Variants in HTD2 observed in about 807,000 individuals in gnomAD.
HTD2 encodes the protein hydroxyacyl-thioester dehydratase type 2, mitochondrial.
HTD2 carries 1 observed loss-of-function variant against 3.1 expected under a neutral mutation model. The observed-to-expected ratio is 0.32, with a 90% CI of 0.11 to 1.52. HTD2 has a LOEUF of 1.52. Ranked by LOEUF, HTD2 falls within the 40% of genes most tolerant of loss-of-function variation. HTD2 has a pLI of 0.39. For missense variants in HTD2, 150 were observed against 79.6 expected, an observed-to-expected ratio of 1.88 and a Z score of -3.36; for synonymous variants, 50 against 28.9, an observed-to-expected ratio of 1.73 and a Z score of -2.34.
In HTD2 at chr3:58,318,399, T is replaced by C; in HGVS notation, c.*279T>C. On this transcript the variant is annotated 3_prime_UTR_variant, in exon 5 of 5. Coordinates refer to ENST00000461393, the MANE Select transcript of HTD2 (RefSeq NM_001348712.2). ...TAGGCTGGGCCCGGTGGCTCATGCCTGTAATCCTGGCACTTTGGGAGGCTG... is the reference window on the plus strand; with the variant it reads ...TAGGCTGGGCCCGGTGGCTCATGCCCGTAATCCTGGCACTTTGGGAGGCTG... 1.3e-5 allele frequency: 3 copies of C among 237,584 alleles called. No individual in the cohort carries two copies. Among genetic ancestry groups the C allele is most frequent in the Non-Finnish European group, 1.6e-5 (2 of 123,938 alleles). 14.7% of individuals were successfully genotyped at this position (237,584 alleles called of 1,614,324 possible). A position where few individuals can be genotyped will look rare whatever the true frequency, so the allele number is the denominator to read the frequency against.
chr3:58,307,351 G>A (rs2097476474), intron 1 of HTD2, among the ~76,000 whole-genome samples: 1 of 152,238 alleles, frequency 6.6e-6, no homozygotes, highest in Admixed American at 6.5e-5. Context: ...CCGTAGGGAT[G>A]GAGAAGCGGG....
chr3:58,315,938 A>G (rs1227577911), intron 2 of HTD2: 1 of 152,356 alleles, frequency 6.6e-6, no homozygotes, highest in East Asian at 1.9e-4. Flanking sequence ...GGCCTCCCAA[A>G]GTGCCGGGAT....
At chr3:58,314,913 TTGACCTTG>T (rs1207837802) in intron 2 of HTD2, among the ~76,000 whole-genome samples, 1 of 151,950 alleles carries the variant, frequency 6.6e-6, no homozygotes, top group Non-Finnish European at 1.5e-5. Flanking sequence ...TCTCAATCTC[TTGACCTTG>T]TGATCCGCCT....
chr3:58,316,583 ATG>A lies in HTD2; in HGVS notation c.-260_-259del. On this transcript the variant is annotated 5_prime_UTR_variant, in exon 3 of 5. It removes an upstream start codon present in the reference 5' UTR. Coordinates refer to ENST00000461393, the MANE Select transcript of HTD2 (RefSeq NM_001348712.2). ...AGACCTTGTCAGCCATCTTGAGAAT[ATG>A]TAGCAGGTATGACAGAGAGTGGGAA... The A allele has an allele frequency of 1.9e-6, 3 of 1,613,776 alleles. No individual in the cohort carries two copies. The highest frequency in any genetic ancestry group is 2.5e-6 in the Non-Finnish European group (3 of 1,179,692).
chr3:58,306,412 G>A (rs2097474565), upstream of HTD2: 1 of 152,312 alleles, frequency 6.6e-6, no homozygotes, highest in Middle Eastern at 3.2e-3. Flanking sequence ...GTCCGACGAA[G>A]AGTGGGTAGG....
intron 2 of HTD2, among the ~76,000 whole-genome samples, chr3:58,314,675 A>ATTTTTTTTTTTTTTTTTTTTTTTTTTTTT (rs751757663): frequency 4.4e-5 from 4 of 90,560 alleles, no homozygotes; most frequent in Non-Finnish European, 3.9e-5. Flanking sequence ...GTTTGGCAGT[A>ATTTTTTTTTTTTTTTTTTTTTTTTTTTTT]TTTTTTTTTT....
At chr3:58,314,194 T>A (rs1326867288) in intron 2 of HTD2, among the ~76,000 whole-genome samples, 1 of 151,796 alleles carries the variant, frequency 6.6e-6, no homozygotes, top group Non-Finnish European at 1.5e-5. Flanking sequence ...CTGCTAAAGC[T>A]ATAAAAACTA....
At chr3:58,311,990 A>T (rs2097482708) in intron 2 of HTD2, among the ~76,000 whole-genome samples, 1 of 152,026 alleles carries the variant, frequency 6.6e-6, no homozygotes, top group African/African-American at 2.4e-5. Context: ...CTCCCACCTC[A>T]GTATCCCGAG....
chr3:58,308,739 GC>G (rs2097478542), intron 1 of HTD2, among the ~76,000 whole-genome samples: 1 of 152,136 alleles, frequency 6.6e-6, no homozygotes. Context: ...CCTTGATTGG[GC>G]CTCAGTTTCC....
At chr3:58,307,077 G>T (rs149276513) in intron 1 of HTD2, among the ~76,000 whole-genome samples, 1 of 152,324 alleles carries the variant, frequency 6.6e-6, no homozygotes, top group East Asian at 1.9e-4. Context: ...ATGGGGAAAA[G>T]CTAGAGCCGA....
At position 58,320,006 on chromosome 3, in the gene HTD2, C is replaced by T. The variant is rs2097492843; in HGVS notation, c.*1886C>T. ...TTTCTCTCCTCCAGTCTTTGGGAAT[C>T]ACCAGTCTACTTTCTGTCTCTATGG... On this transcript the variant is annotated 3_prime_UTR_variant, in exon 5 of 5. Coordinates refer to ENST00000461393, the MANE Select transcript of HTD2 (RefSeq NM_001348712.2). 6.6e-6 allele frequency: 1 copy of T among 152,168 alleles called. No homozygotes were observed. Among genetic ancestry groups the T allele is most frequent in the Admixed American group, 6.5e-5 (1 of 15,270 alleles). The allele number at this position is 152,168 out of a possible 1,614,324, so 9.4% of individuals were successfully genotyped here. A position where few individuals can be genotyped will look rare whatever the true frequency, so the allele number is the denominator to read the frequency against.
rs2097481167 is a variant in HTD2, at chr3:58,310,611, A to G, written c.-331+20A>G. ...GGGGAGGTATGGAATCACTTGGTAG[A>G]TTGAACATTCCAAAGATCTTTGTAA... On this transcript the variant is annotated intron_variant, in intron 2 of 4. Coordinates refer to ENST00000461393, the MANE Select transcript of HTD2 (RefSeq NM_001348712.2). 3.1e-6 allele frequency: 5 copies of G among 1,587,316 alleles called. No homozygotes were observed. The South Asian group carries it at 3.4e-5, about 11-fold the overall frequency.
In HTD2 at chr3:58,306,614, G is replaced by C. The variant is rs899598866; in HGVS notation, c.-453G>C. 1 of 152,044 alleles carries C rather than the reference G, an allele frequency of 6.6e-6. No individual in the cohort carries two copies. Among genetic ancestry groups the C allele is most frequent in the African/African-American group, 2.4e-5 (1 of 41,250 alleles). The allele number at this position is 152,044 out of a possible 1,614,324, so 9.4% of individuals were successfully genotyped here. ...CCGAGAGGCCCGGGCGAGACTTCGG[G>C]ACCGTGTCCTGAGCGCTCTCCATGC... is the stretch of plus-strand genomic sequence containing the variant. On this transcript the variant is annotated 5_prime_UTR_variant, in exon 1 of 5. Transcript: ENST00000461393.
rs1006884682 is a variant in HTD2 at position 58,318,278 on chromosome 3, C to T, written c.*158C>T. 1.8e-6 allele frequency: 1 copy of T among 551,380 alleles called. No homozygotes were observed. The highest frequency in any genetic ancestry group is 3.2e-6 in the Non-Finnish European group (1 of 315,384). The allele number at this position is 551,380 out of a possible 1,614,324, so 34.2% of individuals were successfully genotyped here. A position where few individuals can be genotyped will look rare whatever the true frequency, so the allele number is the denominator to read the frequency against. ...GAGGGTTGTTCAAATGCCCACTTTC[C>T]AGTTTGGCCTTATGCTTCATGCAGA... On this transcript the variant is annotated 3_prime_UTR_variant, in exon 5 of 5. Coordinates refer to ENST00000461393, the MANE Select transcript of HTD2 (RefSeq NM_001348712.2).
intron 4 of HTD2, 127 bp downstream of exon 4, chr3:58,317,120 A>T: frequency 1.4e-6 from 1 of 692,364 alleles, no homozygotes; most frequent in Non-Finnish European, 2.4e-6. Context: ...GTAGGGGAAA[A>T]TAAAGGACTT....
intron 2 of HTD2, among the ~76,000 whole-genome samples, chr3:58,312,144 G>GC (rs2097482911): frequency 2.0e-5 from 3 of 152,156 alleles, no homozygotes; most frequent in Non-Finnish European, 4.4e-5. Context: ...ATGAGCCACT[G>GC]CACCTGACCT....
intron 1 of HTD2, chr3:58,307,807 G>T (rs561893457): frequency 6.6e-6 from 1 of 151,862 alleles, no homozygotes; most frequent in African/African-American, 2.4e-5. Flanking sequence ...AATTTCCCAG[G>T]TATCCTCTCC....
rs774501241 is a variant in HTD2, at chr3:58,318,317, A to T, written c.*197A>T. The T allele has an allele frequency of 6.5e-6, 3 of 458,630 alleles. No homozygotes were observed. The highest frequency in any genetic ancestry group is 6.1e-5 in the African/African-American group (3 of 49,574). 28.4% of individuals were successfully genotyped at this position (458,630 alleles called of 1,614,324 possible). On this transcript the variant is annotated 3_prime_UTR_variant, in exon 5 of 5. Coordinates refer to ENST00000461393, the MANE Select transcript of HTD2 (RefSeq NM_001348712.2). The stretch of plus-strand genomic sequence containing the variant: ...GCTTCATGCAGACTTGAGTGTATGC[A>T]GGATTTCATTATCTGCCTGGGTTTT...
At position 58,310,523 on chromosome 3, in the gene HTD2, G is replaced by A. The variant is rs768313808; in HGVS notation, c.-399G>A. ...TTTTTTTAGAGAATTTCAAGATTGT[G>A]GAGTTGGACTGAATGCTGCACAGTT... On this transcript the variant is annotated 5_prime_UTR_variant, in exon 2 of 5. Coordinates refer to ENST00000461393, the MANE Select transcript of HTD2 (RefSeq NM_001348712.2). 1 of 1,609,992 alleles carries A rather than the reference G, an allele frequency of 6.2e-7. No homozygotes were observed. The highest frequency in any genetic ancestry group is 8.5e-7 in the Non-Finnish European group (1 of 1,178,908).
Sources: gnomAD v4.1 joint callset for allele counts (sites outside exome capture counted in the v4.1 genomes callset) on GRCh38, gnomAD v4.1.1 for gene constraint, MANE v1.5 for transcripts, NCBI Gene and HGNC (gene_info 2026-07-23, HGNC 2026-07-21) for gene names.